Variants in DNER observed in about 807,000 individuals in gnomAD.
DNER encodes delta/notch like EGF repeat containing.
In DNER, 33 loss-of-function variants were observed where a neutral mutation model predicts 78.2. That is an observed-to-expected ratio of 0.42 (90% CI 0.32 to 0.56). The LOEUF is 0.56. Among genes scored for constraint, DNER ranks in the 20% least tolerant of loss-of-function variants. DNER has a pLI of 0.11. For missense variants in DNER, 918 were observed against 975.3 expected (o/e 0.94, Z 0.78); for synonymous variants, 417 against 384.8 (o/e 1.08, Z -0.98).
At chr2:229,650,736 C>T (rs1559195770) in intron 1 of DNER, among the ~76,000 whole-genome samples, 1 of 152,200 alleles carries the variant, frequency 6.6e-6, no homozygotes, top group South Asian at 2.1e-4. Context: ...CCCAAAGTCA[C>T]CCAGTCACTG....
At chr2:229,595,534 G>A (rs547592286) in intron 1 of DNER, among the ~76,000 whole-genome samples, 15 of 152,144 alleles carry the variant, frequency 9.9e-5, no homozygotes, top group African/African-American at 3.4e-4. Flanking sequence ...CACCTGCCTC[G>A]GCCTCCCAAA....
chr2:229,612,948 C>T (rs1024581398), intron 1 of DNER, among the ~76,000 whole-genome samples: 18 of 152,176 alleles, frequency 1.2e-4, no homozygotes, highest in African/African-American at 4.3e-4. Context: ...TATGTATTTG[C>T]ATATTTCAGG....
intron 1 of DNER, among the ~76,000 whole-genome samples, chr2:229,634,557 G>A (rs1243849999): frequency 6.6e-6 from 1 of 152,194 alleles, no homozygotes; most frequent in Admixed American, 6.5e-5. Flanking sequence ...TTGTAAGGAT[G>A]TAATTACATC....
intron 1 of DNER, among the ~76,000 whole-genome samples, chr2:229,602,050 A>T (rs1459678484): frequency 1.3e-5 from 2 of 152,162 alleles, no homozygotes; most frequent in Non-Finnish European, 2.9e-5. Context: ...TGAATAAAAA[A>T]GTTGCAGAAC....
intron 7 of DNER, among the ~76,000 whole-genome samples, chr2:229,474,254 GC>G (rs1437808957): frequency 1.3e-5 from 2 of 152,116 alleles, no homozygotes. Context: ...ATGAGTTACT[GC>G]CGACACACAA....
chr2:229,470,310 G>A (rs1392754663), intron 7 of DNER, among the ~76,000 whole-genome samples: 1 of 152,020 alleles, frequency 6.6e-6, no homozygotes, highest in Admixed American at 6.5e-5. Flanking sequence ...CCCTCTGTCA[G>A]CACTAAAGTG....
In DNER at chr2:229,714,165, A is replaced by G; in HGVS notation, c.259T>C (p.Ser87Pro). ...CCACTCACCTGGCAGTTGGCGCCGG[A>G]GATCCCGGCGGGGCAGGTGCAGCTG... is the stretch of plus-strand genomic sequence containing the variant. Reference protein sequence around the residue: ...GYSCTCPAGISGANCQLVADP... With the variant: ...GYSCTCPAGIPGANCQLVADP... The change falls in exon 1 of 13, where the codon TCC becomes CCC. Residue 87 changes from serine (S) to proline (P), a missense_variant. Transcript: ENST00000341772. 5.3e-6 allele frequency: 7 copies of G among 1,325,354 alleles called. No individual in the cohort carries two copies. Among genetic ancestry groups the G allele is most frequent in the Non-Finnish European group, 6.7e-6 (7 of 1,041,824 alleles). 82.1% of individuals were successfully genotyped at this position (1,325,354 alleles called of 1,614,324 possible). A position where few individuals can be genotyped will look rare whatever the true frequency, so the allele number is the denominator to read the frequency against.
At chr2:229,417,969 G>C in intron 9 of DNER, 139 bp downstream of exon 9, 2 of 1,395,342 alleles carry the variant, frequency 1.4e-6, no homozygotes, top group Non-Finnish European at 1.9e-6. Context: ...TCCTTGGACC[G>C]ATTAATCATG....
rs150664235 is a variant in DNER, at chr2:229,360,199, A to T, written c.2103-1548T>A. On this transcript the variant is annotated intron_variant, in intron 12 of 12. Transcript: ENST00000341772. The stretch of plus-strand genomic sequence containing the variant: ...TGCTTTAAGATGCAAACATTTTGAC[A>T]ATTTATTTCTCATAAAATACCTAGA... Among the ~76,000 whole-genome samples, 897 of 152,298 alleles carry T rather than the reference A, an allele frequency of 5.9e-3. 7 individuals are homozygous for T. Among genetic ancestry groups the T allele is most frequent in the Middle Eastern group, 0.048 (14 of 294 alleles).
chr2:229,564,550 A>G (rs1254517349), intron 4 of DNER, among the ~76,000 whole-genome samples: 1 of 137,146 alleles, frequency 7.3e-6, no homozygotes, highest in Non-Finnish European at 1.5e-5. Context: ...CATCATCCTC[A>G]CCCCATTACC....
In DNER at chr2:229,447,349, C is replaced by T. The variant is rs760495086; in HGVS notation, c.1453G>A (p.Val485Met). 23 of 1,608,536 alleles carry T rather than the reference C, an allele frequency of 1.4e-5. No homozygotes were observed. The highest frequency in any genetic ancestry group is 1.1e-4 in the East Asian group (5 of 44,700). Residue 485 changes from valine to methionine, a missense_variant, in exon 8 of 13, where the codon GTG becomes ATG. Val to Met is a conservative substitution (Grantham distance 21). Coordinates refer to ENST00000341772, the MANE Select transcript of DNER (RefSeq NM_139072.4). ...CAGAGGCATTTGTAGCTGGTGCCCA[C>T]GCTGCGGCACGTGCCATGAGCACAG... ...SPCAHGTCRS[V>M]GTSYKCLCDP...
At chr2:229,535,420 T>C (rs1268642887) in intron 5 of DNER, among the ~76,000 whole-genome samples, 2 of 152,210 alleles carry the variant, frequency 1.3e-5, no homozygotes, top group Non-Finnish European at 2.9e-5. Context: ...CGGTAATGTT[T>C]GTCCAGAGGG....
chr2:229,579,389 A>C (rs1697354074), intron 4 of DNER, among the ~76,000 whole-genome samples: 1 of 152,228 alleles, frequency 6.6e-6, no homozygotes, highest in African/African-American at 2.4e-5. Flanking sequence ...TACGGAACTG[A>C]GTATTTCCCA....
At chr2:229,484,032 G>T (rs2193904) in intron 6 of DNER, among the ~76,000 whole-genome samples, 19,002 of 152,036 alleles carry the variant, frequency 0.12, 1,332 homozygotes, top group South Asian at 0.2. Context: ...AACTCCCTGA[G>T]AATCAGGACT....
At chr2:229,361,252 T>C (rs1279351103) in intron 12 of DNER, among the ~76,000 whole-genome samples, 1 of 151,880 alleles carries the variant, frequency 6.6e-6, no homozygotes, top group Non-Finnish European at 1.5e-5. Context: ...ACTAAATCAA[T>C]GTCAGAGGCT....
At chr2:229,487,952 TG>T (rs1375711933) in intron 6 of DNER, among the ~76,000 whole-genome samples, 1 of 152,174 alleles carries the variant, frequency 6.6e-6, no homozygotes, top group African/African-American at 2.4e-5. Context: ...ACCAAAGAGT[TG>T]GGGTCACTGA....
At chr2:229,683,274 T>C (rs1240311883) in intron 1 of DNER, among the ~76,000 whole-genome samples, 1 of 152,184 alleles carries the variant, frequency 6.6e-6, no homozygotes, top group Non-Finnish European at 1.5e-5. Flanking sequence ...GATTTCGTAA[T>C]TTGTCGAAGA....
chr2:229,479,040 C>T (rs1695097340), intron 6 of DNER, among the ~76,000 whole-genome samples: 1 of 152,130 alleles, frequency 6.6e-6, no homozygotes, highest in Non-Finnish European at 1.5e-5. Context: ...CATTCAGCTC[C>T]CACTTCAAAG....
rs77980997 is a variant in DNER, at chr2:229,661,026, A to G, written c.276+53122T>C. ...ATTACATTGTTTATTGTTTTTCTTC[A>G]TGCCCCAACCTCTTTGCCATCCCAA... On this transcript the variant is annotated intron_variant, in intron 1 of 12. Transcript: ENST00000341772. 7.1e-3 allele frequency among the ~76,000 whole-genome samples: 1,080 copies of G among 152,312 alleles called. 13 individuals are homozygous for G. Among genetic ancestry groups the G allele is most frequent in the African/African-American group, 0.025 (1,030 of 41,576 alleles).
Sources: allele counts gnomAD v4.1 joint callset (sites outside exome capture counted in the v4.1 genomes callset), GRCh38; gene constraint gnomAD v4.1.1; transcripts MANE v1.5; gene names NCBI Gene and HGNC (gene_info 2026-07-23, HGNC 2026-07-21).